RARB: variants seen among roughly 807,000 people sequenced by gnomAD.
RARB encodes the protein HBV-activated protein.
Under a neutral mutation model 51.9 loss-of-function variants are expected in RARB, and 17 were observed. The ratio of observed to expected loss-of-function variants is 0.33; its 90% CI spans 0.22 to 0.49. The LOEUF (loss-of-function observed/expected upper bound fraction) is 0.49. Ranked by LOEUF, RARB falls within the 20% of genes least tolerant of loss-of-function variation. RARB has a pLI of 0.99. For missense variants in RARB, 369 were observed against 550.8 expected (o/e 0.67, Z 3.30); for synonymous variants, 215 against 195.4 (o/e 1.10, Z -0.84).
At chr3:24,842,473 A>T (rs929998981) in intron 1 of RARB, among the ~76,000 whole-genome samples, 3 of 152,326 alleles carry the variant, frequency 2.0e-5, no homozygotes, top group Admixed American at 6.5e-5. Context: ...TGATCTTATT[A>T]GCACAAGACT....
chr3:24,952,876 T>C (rs969008957), intron 2 of RARB, among the ~76,000 whole-genome samples: 2 of 112,068 alleles, frequency 1.8e-5, no homozygotes, highest in African/African-American at 6.2e-5. Context: ...AAAACTGGTA[T>C]TTTTTTTGTT....
At chr3:25,064,057 C>A (rs73034719) in intron 3 of RARB, among the ~76,000 whole-genome samples, 5 of 151,806 alleles carry the variant, frequency 3.3e-5, no homozygotes, top group African/African-American at 1.2e-4. Flanking sequence ...AGATGGGCAG[C>A]GGTGGGTGGA....
At chr3:25,460,428 T>A (rs918383053) in intron 1 of RARB, among the ~76,000 whole-genome samples, 1 of 145,582 alleles carries the variant, frequency 6.9e-6, no homozygotes, top group Non-Finnish European at 1.5e-5. Context: ...ATTTTAAAAT[T>A]TTTATTTATT....
At chr3:25,198,026 C>A (rs1428088749) in intron 5 of RARB, among the ~76,000 whole-genome samples, 1 of 151,850 alleles carries the variant, frequency 6.6e-6, no homozygotes, top group African/African-American at 2.4e-5. Context: ...TACCTGACTT[C>A]AAATGTACTA....
intron 4 of RARB, among the ~76,000 whole-genome samples, chr3:25,170,814 A>T (rs1304561375): frequency 6.6e-6 from 1 of 152,080 alleles, no homozygotes; most frequent in Non-Finnish European, 1.5e-5. Context: ...ATAGAAAAAT[A>T]AATTATTTTG....
At chr3:25,391,481 A>G (rs968145138) in intron 5 of RARB, among the ~76,000 whole-genome samples, 1 of 152,188 alleles carries the variant, frequency 6.6e-6, no homozygotes, top group South Asian at 2.1e-4. Flanking sequence ...ACTGTCTTTC[A>G]TAGTGGTTGT....
chr3:25,135,612 T>C (rs1400478409), intron 4 of RARB, among the ~76,000 whole-genome samples: 2 of 151,958 alleles, frequency 1.3e-5, no homozygotes. Flanking sequence ...GCGTGCAACA[T>C]AGCCAGAAAA....
intron 4 of RARB, among the ~76,000 whole-genome samples, chr3:25,159,290 C>T (rs13433730): frequency 6.6e-6 from 1 of 151,122 alleles, no homozygotes; most frequent in Non-Finnish European, 1.5e-5. Flanking sequence ...CTGCCTCAGC[C>T]TCGTGAGTAG....
At chr3:25,328,471 G>T (rs1397926519) in intron 5 of RARB, among the ~76,000 whole-genome samples, 1 of 152,242 alleles carries the variant, frequency 6.6e-6, no homozygotes, top group African/African-American at 2.4e-5. Context: ...AGTGAGCTGA[G>T]ATCATGCCAC....
At chr3:25,120,728 A>G (rs1699770757) in intron 3 of RARB, among the ~76,000 whole-genome samples, 1 of 152,170 alleles carries the variant, frequency 6.6e-6, no homozygotes, top group South Asian at 2.1e-4. Context: ...AGCAAATTCC[A>G]TGAAGATGAA....
At chr3:25,127,837 T>C (rs995351353) in intron 3 of RARB, among the ~76,000 whole-genome samples, 1 of 152,110 alleles carries the variant, frequency 6.6e-6, no homozygotes, top group Non-Finnish European at 1.5e-5. Context: ...CCTAAAAATA[T>C]ATATACATAT....
At chr3:25,382,648 G>C (rs1380496186) in intron 5 of RARB, among the ~76,000 whole-genome samples, 1 of 152,192 alleles carries the variant, frequency 6.6e-6, no homozygotes, top group African/African-American at 2.4e-5. Context: ...CTGAGGTCAG[G>C]AGTTCAAGAC....
rs567551615 is a variant in RARB, at chr3:25,229,544, G to T, written c.178+54969G>T. ...TAAGTAAGCATTCTACCCCAACTGG[G>T]TATATTGTATACTAGTTAAAAAATG... On this transcript the variant is annotated intron_variant, in intron 5 of 11. Coordinates refer to the RARB transcript ENST00000383772. 3.9e-5 allele frequency among the ~76,000 whole-genome samples: 6 copies of T among 152,056 alleles called. No individual in the cohort carries two copies. The South Asian group carries it at 1.0e-3, about 26-fold the overall frequency.
At chr3:25,285,969 C>T (rs1703640572) in intron 5 of RARB, among the ~76,000 whole-genome samples, 1 of 151,972 alleles carries the variant, frequency 6.6e-6, no homozygotes, top group Non-Finnish European at 1.5e-5. Context: ...ATTGTTAAAC[C>T]CCATCACTTT....
At chr3:25,083,275 A>G (rs1046419290) in intron 3 of RARB, among the ~76,000 whole-genome samples, 1 of 151,944 alleles carries the variant, frequency 6.6e-6, no homozygotes, top group Non-Finnish European at 1.5e-5. Context: ...TTCTTAGGGG[A>G]TCCTAATTGC....
intron 2 of RARB, among the ~76,000 whole-genome samples, chr3:24,879,970 A>G (rs1703126391): frequency 6.9e-6 from 1 of 144,314 alleles, no homozygotes; most frequent in Non-Finnish European, 1.5e-5. Context: ...TCTGTCCTAC[A>G]AAGTCACGAA....
At chr3:25,414,261 T>G (rs1707643583) in intron 5 of RARB, among the ~76,000 whole-genome samples, 1 of 152,240 alleles carries the variant, frequency 6.6e-6, no homozygotes, top group Admixed American at 6.5e-5. Flanking sequence ...TTCATTCCTT[T>G]TTATTGCCAA....
chr3:25,071,793 T>A (rs539026367), intron 3 of RARB, among the ~76,000 whole-genome samples: 52 of 152,280 alleles, frequency 3.4e-4, no homozygotes, highest in African/African-American at 1.2e-3. Flanking sequence ...AGTAATAAAG[T>A]AAGTAGTAGG....
chr3:25,192,595 C>G (rs76187023), intron 5 of RARB, among the ~76,000 whole-genome samples: 2 of 152,128 alleles, frequency 1.3e-5, no homozygotes, highest in South Asian at 2.1e-4. Flanking sequence ...CAGAACTGTT[C>G]CCTAGCAGGC....
Sources: allele counts gnomAD v4.1 joint callset (sites outside exome capture counted in the v4.1 genomes callset), GRCh38; gene constraint gnomAD v4.1.1; transcripts MANE v1.5; gene names NCBI Gene and HGNC (gene_info 2026-07-23, HGNC 2026-07-21).